Variants in GRIA3 observed in about 807,000 individuals in gnomAD.
GRIA3 encodes glutamate ionotropic receptor AMPA type subunit 3, also known as glutamate receptor 3.
GRIA3 carries 3 observed loss-of-function variants against 63.0 expected under a neutral mutation model. That is an observed-to-expected ratio of 0.05 (90% CI 0.02 to 0.12). The LOEUF is 0.12. GRIA3 is among the 10% of genes least tolerant of loss of function. The pLI is 1.00. For synonymous variants in GRIA3, 274 were observed against 257.9 expected (o/e 1.06, Z -0.60); for missense variants, 347 against 700.9 (o/e 0.50, Z 5.70).
chrX:123,193,930 C>T lies in GRIA3; in HGVS notation c.268+7940C>T, dbSNP rs1279424295. The stretch of plus-strand genomic sequence containing the variant: ...AGGAAGTGAGGCACCAAATGGATTG[C>T]GGGCATTCAGAGGGGCGCTGGTAGA... On this transcript the variant is annotated intron_variant, in intron 2 of 15. Transcript: ENST00000620443. Among the ~76,000 whole-genome samples, 4 of 111,237 alleles carry T rather than the reference C, an allele frequency of 3.6e-5. 1 individual carries two copies. The highest frequency in any genetic ancestry group is 7.5e-5 in the Non-Finnish European group (4 of 53,014).
chrX:123,291,180 C>T (rs2044653649), intron 3 of GRIA3, among the ~76,000 whole-genome samples: 2 of 111,197 alleles, frequency 1.8e-5, no homozygotes, highest in South Asian at 7.6e-4. Context: ...CTGACCTGGA[C>T]AAAGCACCCT....
chrX:123,452,034 T>C (rs1377356960), intron 12 of GRIA3, among the ~76,000 whole-genome samples: 1 of 112,110 alleles, frequency 8.9e-6, no homozygotes, highest in Non-Finnish European at 1.9e-5. Context: ...ATCATGTATA[T>C]AATGCACGAA....
At chrX:123,436,646 G>A (rs748908883) in intron 12 of GRIA3, among the ~76,000 whole-genome samples, 2 of 111,943 alleles carry the variant, frequency 1.8e-5, no homozygotes, top group African/African-American at 6.5e-5. Flanking sequence ...TTATGAGAGC[G>A]TTTCACAGCC....
intron 12 of GRIA3, among the ~76,000 whole-genome samples, chrX:123,461,800 A>G (rs2045794160): frequency 9.0e-6 from 1 of 111,057 alleles, no homozygotes; most frequent in African/African-American, 3.3e-5. Context: ...AAGGGAGGGC[A>G]ATGGTAATGA....
Position 123,433,247 on chromosome X carries a change from T to C in GRIA3, c.2076+5108T>C, listed in dbSNP as rs188523187. 1.3e-4 allele frequency among the ~76,000 whole-genome samples: 15 copies of C among 111,793 alleles called. No individual in the cohort carries two copies. The East Asian group carries it at 3.9e-3, about 29-fold the overall frequency. On this transcript the variant is annotated intron_variant, in intron 12 of 15. Transcript: ENST00000620443. Reference sequence around the variant, plus strand: ...TGTATATAGGGCATAAAGACACATATTAAAATAAGAAATAAGGACCAGATC... The same window carrying C: ...TGTATATAGGGCATAAAGACACATACTAAAATAAGAAATAAGGACCAGATC...
At chrX:123,241,279 C>T (rs1052006907) in intron 2 of GRIA3, among the ~76,000 whole-genome samples, 1 of 111,075 alleles carries the variant, frequency 9.0e-6, no homozygotes, top group Non-Finnish European at 1.9e-5. Flanking sequence ...CGAGTCAAAA[C>T]CATTAGGACG....
chrX:123,188,299 C>A (rs1032823878), intron 2 of GRIA3, among the ~76,000 whole-genome samples: 9 of 111,075 alleles, frequency 8.1e-5, no homozygotes, highest in African/African-American at 2.6e-4. Flanking sequence ...TAGGCAGCTG[C>A]TGCTTGGTAG....
chrX:123,228,520 T>G (rs910277644), intron 2 of GRIA3, among the ~76,000 whole-genome samples: 1 of 110,839 alleles, frequency 9.0e-6, no homozygotes, highest in African/African-American at 3.3e-5. Context: ...GTATGGACAT[T>G]TTTTTAGGGT....
At chrX:123,201,300 T>A (rs1927734401) in intron 2 of GRIA3, among the ~76,000 whole-genome samples, 1 of 111,523 alleles carries the variant, frequency 9.0e-6, no homozygotes. Context: ...ATAGGGATGT[T>A]ATGAAGATTA....
In GRIA3 at chrX:123,407,696, G is replaced by GC. The variant is rs1556314624; in HGVS notation, c.1500+2782_1500+2783insC. ...TTCAACATATGACTTGGTTGCGGGGGGGGGGGGGACGTGGGGACACAAATA... is the reference window on the plus strand; with the variant it reads ...TTCAACATATGACTTGGTTGCGGGGGCGGGGGGGGACGTGGGGACACAAATA... On this transcript the variant is annotated intron_variant, in intron 10 of 15. Coordinates refer to ENST00000620443, the MANE Select transcript of GRIA3 (RefSeq NM_007325.5). 1.8e-3 allele frequency among the ~76,000 whole-genome samples: 162 copies of GC among 87,666 alleles called. 25 individuals are homozygous for GC. The highest frequency in any genetic ancestry group is 2.8e-3 in the Admixed American group (23 of 8,110). The allele number at this position is 87,666 out of a possible 115,157, so 76.1% of individuals were successfully genotyped here. A position where few individuals can be genotyped will look rare whatever the true frequency, so the allele number is the denominator to read the frequency against.
At chrX:123,400,846 T>C (rs2045439891) in intron 7 of GRIA3, among the ~76,000 whole-genome samples, 2 of 112,100 alleles carry the variant, frequency 1.8e-5, no homozygotes, top group African/African-American at 6.5e-5. Context: ...AATTGGGTAA[T>C]CATTCTCCTC....
Position 123,202,578 on chromosome X carries a change from T to C in GRIA3, c.268+16588T>C, listed in dbSNP as rs1158339233. 14 of 1,116,949 alleles carry C rather than the reference T, an allele frequency of 1.3e-5. 1 individual carries two copies. Among genetic ancestry groups the C allele is most frequent in the Non-Finnish European group, 1.3e-5 (11 of 834,216 alleles). 92.0% of individuals were successfully genotyped at this position (1,116,949 alleles called of 1,213,427 possible). ...TCTTGAAGTGCCCCCTTTCCACCCT[T>C]CCGCTGAAGGAGACCTATGGCCAGA... On this transcript the variant is annotated intron_variant, in intron 2 of 15. Transcript: ENST00000620443.
At chrX:123,210,031 T>C (rs766457656) in intron 2 of GRIA3, among the ~76,000 whole-genome samples, 2 of 110,018 alleles carry the variant, frequency 1.8e-5, no homozygotes, top group East Asian at 5.7e-4. Flanking sequence ...CTAGGAGGTG[T>C]TGTTGGTTTG....
intron 15 of GRIA3, among the ~76,000 whole-genome samples, chrX:123,486,447 C>T (rs2045942293): frequency 8.9e-6 from 1 of 111,837 alleles, no homozygotes; most frequent in Admixed American, 9.5e-5. Flanking sequence ...AGCACCTTGG[C>T]AACCATCTCC....
intron 12 of GRIA3, among the ~76,000 whole-genome samples, chrX:123,463,668 GAAAGAAAGAA>G (rs2045813250): frequency 2.0e-5 from 1 of 49,229 alleles, no homozygotes; most frequent in African/African-American, 1.4e-4. Context: ...AAGAAAGAAA[GAAAGAAAGAA>G]AGAAAGAGAG....
chrX:123,273,342 A>C (rs1299907945), intron 3 of GRIA3, among the ~76,000 whole-genome samples: 1 of 111,981 alleles, frequency 8.9e-6, no homozygotes, highest in Non-Finnish European at 1.9e-5. Flanking sequence ...ACCTGTTTTC[A>C]AAGGACTTAT....
chrX:123,440,304 A>G (rs1469950410), intron 12 of GRIA3, among the ~76,000 whole-genome samples: 1 of 112,410 alleles, frequency 8.9e-6, no homozygotes, highest in African/African-American at 3.2e-5. Context: ...TCCTCTGGGT[A>G]TACACCCAGT....
At chrX:123,377,460 G>GT (rs1275621264) in intron 5 of GRIA3, among the ~76,000 whole-genome samples, 4 of 111,806 alleles carry the variant, frequency 3.6e-5, no homozygotes, top group African/African-American at 1.3e-4. Flanking sequence ...CCCATTAGTT[G>GT]TAAGTTCCTT....
chrX:123,390,146 G>T (rs1254931676), intron 5 of GRIA3, among the ~76,000 whole-genome samples: 1 of 111,372 alleles, frequency 9.0e-6, no homozygotes, highest in East Asian at 2.8e-4. Flanking sequence ...CTCTCTTACT[G>T]CTTATCATTG....
Sources: gnomAD v4.1 joint callset for allele counts (sites outside exome capture counted in the v4.1 genomes callset) on GRCh38, gnomAD v4.1.1 for gene constraint, MANE v1.5 for transcripts, NCBI Gene and HGNC (gene_info 2026-07-23, HGNC 2026-07-21) for gene names.